The following SLC6A11 variants were observed in gnomAD, a reference collection of about 807,000 sequenced individuals.
SLC6A11 encodes the protein solute carrier family 6 member 11, also known as sodium- and chloride-dependent GABA transporter 3.
SLC6A11 carries 25 observed loss-of-function variants against 74.8 expected under a neutral mutation model. The ratio of observed to expected loss-of-function variants is 0.33; its 90% CI spans 0.24 to 0.47. The LOEUF (loss-of-function observed/expected upper bound fraction) is 0.47, where lower values mean the gene tolerates loss of function less well. SLC6A11 is among the 20% of genes least tolerant of loss of function. The pLI is 1.00. For missense variants in SLC6A11, 574 were observed against 837.0 expected (o/e 0.69, Z 3.88); for synonymous variants, 330 against 330.2 (o/e 1.00, Z 0.01).
chr3:10,893,331 G>C (rs1695129484), intron 6 of SLC6A11, among the ~76,000 whole-genome samples: 1 of 152,146 alleles, frequency 6.6e-6, no homozygotes, highest in South Asian at 2.1e-4. Flanking sequence ...CTCTTGACTC[G>C]TGGAAGACTT....
chr3:10,833,567 A>C (rs1264156433), intron 4 of SLC6A11, among the ~76,000 whole-genome samples: 1 of 152,140 alleles, frequency 6.6e-6, no homozygotes, highest in East Asian at 1.9e-4. Context: ...ACGGTTGTTG[A>C]AATGCTATTT....
At chr3:10,863,012 A>G (rs1328451801) in intron 5 of SLC6A11, among the ~76,000 whole-genome samples, 1 of 152,200 alleles carries the variant, frequency 6.6e-6, no homozygotes, top group South Asian at 2.1e-4. Flanking sequence ...ACCAGGGCCT[A>G]TTGCAGACAT....
In SLC6A11 at chr3:10,918,938, C is replaced by A. The variant is rs1483701431; in HGVS notation, c.1120+485C>A. 6.6e-6 allele frequency among the ~76,000 whole-genome samples: 1 copy of A among 152,056 alleles called. No homozygotes were observed. Among genetic ancestry groups the A allele is most frequent in the Non-Finnish European group, 1.5e-5 (1 of 68,006 alleles). On this transcript the variant is annotated intron_variant, in intron 8 of 13. Coordinates refer to ENST00000254488, the MANE Select transcript of SLC6A11 (RefSeq NM_014229.3). The surrounding 1 kb of genome is among the most constrained non-coding windows in gnomAD (Gnocchi z 4.5). ...GCGTGGCCACAAAGCCCTGTGTTGC[C>A]CGGCTCCTGTGGCCCCACCAGCCTC...
At chr3:10,874,241 G>A (rs1694881546) in intron 5 of SLC6A11, among the ~76,000 whole-genome samples, 1 of 152,196 alleles carries the variant, frequency 6.6e-6, no homozygotes, top group Admixed American at 6.5e-5. Context: ...GTTATGTTGT[G>A]AAACTTCTTT....
chr3:10,873,444 C>CCTATCCTATCCTATCCTATG (rs1694856452), intron 5 of SLC6A11, among the ~76,000 whole-genome samples: 1 of 146,922 alleles, frequency 6.8e-6, no homozygotes, highest in African/African-American at 2.6e-5. Context: ...CCTATCCTAT[C>CCTATCCTATCCTATCCTATG]CTATCCTATG....
chr3:10,860,791 T>C (rs952210570), intron 5 of SLC6A11, among the ~76,000 whole-genome samples: 2 of 152,202 alleles, frequency 1.3e-5, no homozygotes, highest in African/African-American at 4.8e-5. Flanking sequence ...GTAGCTTGGA[T>C]GACACCATTA....
rs553593353 is a variant in SLC6A11, at chr3:10,911,397, A to G, written c.892-693A>G. On this transcript the variant is annotated intron_variant, in intron 6 of 13. Coordinates refer to ENST00000254488, the MANE Select transcript of SLC6A11 (RefSeq NM_014229.3). ...TTCTGTTGTGCATGTCATGCTGTCC[A>G]CAGCAGTTTTTATCAAAAGGGAGCT... Among the ~76,000 whole-genome samples the G allele has an allele frequency of 7.6e-4, 115 of 152,298 alleles. 1 individual carries two copies. The highest frequency in any genetic ancestry group is 1.4e-3 in the Non-Finnish European group (96 of 68,028).
intron 10 of SLC6A11, among the ~76,000 whole-genome samples, chr3:10,930,138 A>G (rs1483545139): frequency 2.6e-5 from 4 of 152,230 alleles, no homozygotes; most frequent in African/African-American, 9.6e-5. Context: ...GCTAGAAAGC[A>G]TTTGGGTTCA....
chr3:10,909,128 A>AAAAAG, intron 6 of SLC6A11, among the ~76,000 whole-genome samples: 1 of 150,782 alleles, frequency 6.6e-6, no homozygotes. Context: ...AAAAAAAAAA[A>AAAAAG]GTGTCCCATT....
intron 4 of SLC6A11, among the ~76,000 whole-genome samples, chr3:10,836,051 A>C (rs1171226945): frequency 6.6e-6 from 1 of 152,146 alleles, no homozygotes; most frequent in Non-Finnish European, 1.5e-5. Context: ...AGCAACACTC[A>C]GCTATTTTTT....
chr3:10,837,090 C>G (rs1011691412), intron 4 of SLC6A11, among the ~76,000 whole-genome samples: 10 of 152,042 alleles, frequency 6.6e-5, no homozygotes, highest in African/African-American at 2.4e-4. Context: ...GGGGCTGGCC[C>G]TGGGGTTGGG....
chr3:10,899,899 A>G (rs1023625407), intron 6 of SLC6A11, among the ~76,000 whole-genome samples: 1 of 152,324 alleles, frequency 6.6e-6, no homozygotes. Flanking sequence ...AGCTGACCCA[A>G]AACCATAACC....
At chr3:10,848,570 T>C (rs1412725496) in intron 5 of SLC6A11, among the ~76,000 whole-genome samples, 1 of 152,226 alleles carries the variant, frequency 6.6e-6, no homozygotes. Flanking sequence ...TGCCTGCCAC[T>C]AACTGTTGCT....
At chr3:10,894,137 C>T (rs780838321) in intron 6 of SLC6A11, among the ~76,000 whole-genome samples, 3 of 152,208 alleles carry the variant, frequency 2.0e-5, no homozygotes, top group Non-Finnish European at 4.4e-5. Flanking sequence ...TGACACAGCC[C>T]TGCATGTTTA....
At chr3:10,823,143 G>C (rs894656817) in intron 3 of SLC6A11, among the ~76,000 whole-genome samples, 159 bp from the exon 4 acceptor site, 4 of 152,300 alleles carry the variant, frequency 2.6e-5, no homozygotes, top group South Asian at 2.1e-4. Context: ...CCTCTTAACT[G>C]TTTGTAAAGT....
chr3:10,829,307 G>T (rs926055445), intron 4 of SLC6A11, among the ~76,000 whole-genome samples: 1 of 152,166 alleles, frequency 6.6e-6, no homozygotes, highest in Admixed American at 6.5e-5. Context: ...TGTTAGTTCT[G>T]GCTACTGGAG....
At chr3:10,897,995 G>A (rs925608538) in intron 6 of SLC6A11, among the ~76,000 whole-genome samples, 5 of 152,208 alleles carry the variant, frequency 3.3e-5, no homozygotes, top group Non-Finnish European at 7.3e-5. Context: ...TCAACACCAC[G>A]TGGAAGCTGC....
At chr3:10,887,066 CA>C (rs1358731270) in intron 6 of SLC6A11, among the ~76,000 whole-genome samples, 1 of 151,950 alleles carries the variant, frequency 6.6e-6, no homozygotes, top group Non-Finnish European at 1.5e-5. Flanking sequence ...AATGTATGGA[CA>C]GATGGATGGA....
chr3:10,917,591 G>C (rs1046115037), intron 7 of SLC6A11, among the ~76,000 whole-genome samples: 1 of 152,158 alleles, frequency 6.6e-6, no homozygotes, highest in South Asian at 2.1e-4. Flanking sequence ...GCCGGGACTC[G>C]AGGGTACCGT....
Sources: allele counts gnomAD v4.1 joint callset (sites outside exome capture counted in the v4.1 genomes callset), GRCh38; gene constraint gnomAD v4.1.1; non-coding constraint Gnocchi (gnomAD v3.1); transcripts MANE v1.5; gene names NCBI Gene and HGNC (gene_info 2026-07-23, HGNC 2026-07-21).